The following NDUFV2 variants were observed in gnomAD, a reference collection of about 807,000 sequenced individuals.
NDUFV2 encodes the protein NADH dehydrogenase [ubiquinone] flavoprotein 2, mitochondrial.
NDUFV2 carries 18 observed loss-of-function variants against 31.6 expected under a neutral mutation model. The ratio of observed to expected loss-of-function variants is 0.57; its 90% CI spans 0.39 to 0.84. The LOEUF (loss-of-function observed/expected upper bound fraction) is 0.84. NDUFV2 is among the 40% of genes least tolerant of loss of function. The pLI, the probability that NDUFV2 is intolerant of heterozygous loss-of-function variation, is 0.00. For missense variants in NDUFV2, 314 were observed against 303.6 expected (o/e 1.03, Z -0.26); for synonymous variants, 83 against 99.8 (o/e 0.83, Z 1.01).
intron 7 of NDUFV2, among the ~76,000 whole-genome samples, chr18:9,133,171 G>T (rs978616802): frequency 6.6e-6 from 1 of 152,176 alleles, no homozygotes; most frequent in Non-Finnish European, 1.5e-5. Flanking sequence ...ATTCCCTAGG[G>T]CTCTAAAGAA....
chr18:9,123,282 G>A (rs2077955722), intron 5 of NDUFV2, among the ~76,000 whole-genome samples: 1 of 152,180 alleles, frequency 6.6e-6, no homozygotes, highest in African/African-American at 2.4e-5. Flanking sequence ...GGGTGGTATT[G>A]AAATATATAA....
chr18:9,109,842 C>T (rs535875844), intron 1 of NDUFV2, among the ~76,000 whole-genome samples: 22 of 152,162 alleles, frequency 1.4e-4, no homozygotes, highest in Non-Finnish European at 1.2e-4. Context: ...TTGACTCCAA[C>T]GAAAAGGCAG....
chr18:9,124,262 T>C (rs2077966811), intron 5 of NDUFV2, among the ~76,000 whole-genome samples: 1 of 149,452 alleles, frequency 6.7e-6, no homozygotes, highest in East Asian at 2.0e-4. Flanking sequence ...TCATGACTAC[T>C]GTAAAAAATT....
intron 1 of NDUFV2, among the ~76,000 whole-genome samples, chr18:9,110,764 T>C (rs2077866100): frequency 6.6e-6 from 1 of 152,200 alleles, no homozygotes; most frequent in African/African-American, 2.4e-5. Flanking sequence ...GGGCTTGGCT[T>C]TCCAAAGTTC....
chr18:9,121,635 A>ATAGTAAGTCTTAATGATAATAGGTCACC (rs2077936545), intron 4 of NDUFV2, among the ~76,000 whole-genome samples: 4 of 152,322 alleles, frequency 2.6e-5, no homozygotes, highest in Admixed American at 2.0e-4. Flanking sequence ...AGAATGCCAG[A>ATAGTAAGTCTTAATGATAATAGGTCACC]TAGTAAGTCT....
chr18:9,104,950 C>G, intron 1 of NDUFV2: 1 of 1,553,084 alleles, frequency 6.4e-7, no homozygotes, highest in Non-Finnish European at 8.8e-7. Context: ...ACAGACCTTA[C>G]AGACAATTTG....
intron 5 of NDUFV2, among the ~76,000 whole-genome samples, chr18:9,123,741 C>T (rs1043663645): frequency 1.3e-5 from 2 of 152,124 alleles, no homozygotes; most frequent in African/African-American, 4.8e-5. Flanking sequence ...ATCCTCCTAC[C>T]TTGGCCTCCC....
Position 9,126,908 on chromosome 18 carries a change from G to A in NDUFV2, c.656+1G>A, listed in dbSNP as rs1411081874. Reference sequence around the variant, plus strand: ...GCAAAATCCCAAAACCAGGGCCAAGGTATGCTTTATTTATATATAGGAAGT... The same window carrying A: ...GCAAAATCCCAAAACCAGGGCCAAGATATGCTTTATTTATATATAGGAAGT... On this transcript the variant is annotated splice_donor_variant, in intron 7 of 7. Coordinates refer to ENST00000318388, the MANE Select transcript of NDUFV2 (RefSeq NM_021074.5). LOFTEE classifies it high-confidence loss of function. 6.2e-7 allele frequency: 1 copy of A among 1,612,300 alleles called. No individual in the cohort carries two copies. The highest frequency in any genetic ancestry group is 8.5e-7 in the Non-Finnish European group (1 of 1,178,528).
At chr18:9,129,204 G>A (rs1451935099) in intron 7 of NDUFV2, among the ~76,000 whole-genome samples, 13 of 152,190 alleles carry the variant, frequency 8.5e-5, no homozygotes, top group African/African-American at 2.7e-4. Context: ...GCCTCCCAAA[G>A]TGCTGGGATT....
At chr18:9,114,611 TA>T (rs34688167) in intron 1 of NDUFV2, among the ~76,000 whole-genome samples, 8 of 151,576 alleles carry the variant, frequency 5.3e-5, no homozygotes, top group Non-Finnish European at 8.8e-5. Context: ...AATTGAGGCT[TA>T]AAAAAAAATT....
chr18:9,126,147 T>C lies in NDUFV2; in HGVS notation c.580-684T>C, dbSNP rs568421621. On this transcript the variant is annotated intron_variant, in intron 6 of 7. Coordinates refer to ENST00000318388, the MANE Select transcript of NDUFV2 (RefSeq NM_021074.5). The stretch of plus-strand genomic sequence containing the variant: ...TGTGTGAAGCATTGTTAAGTCTAAA[T>C]ATAGTAGCCTGTAGATGGGTTTGTT... Among the ~76,000 whole-genome samples, 2 of 152,344 alleles carry C rather than the reference T, an allele frequency of 1.3e-5. 1 individual carries two copies. Among genetic ancestry groups the C allele is most frequent in the South Asian group, 4.1e-4 (2 of 4,834 alleles).
intron 5 of NDUFV2, 29 bp from the exon 6 acceptor site, chr18:9,124,845 G>A (rs1045807138): frequency 3.1e-6 from 5 of 1,591,492 alleles, no homozygotes; most frequent in Non-Finnish European, 4.3e-6. Flanking sequence ...ATATAACCTG[G>A]TCCTTAGAGT....
chr18:9,118,537 T>A (rs1598345541), intron 2 of NDUFV2, among the ~76,000 whole-genome samples: 1 of 152,168 alleles, frequency 6.6e-6, no homozygotes, highest in South Asian at 2.1e-4. Flanking sequence ...ATATTTGAGA[T>A]CATTGTCCAG....
intron 7 of NDUFV2, among the ~76,000 whole-genome samples, 153 bp downstream of exon 7, chr18:9,127,060 T>G (rs1011435421): frequency 3.3e-5 from 5 of 152,200 alleles, no homozygotes; most frequent in South Asian, 4.1e-4. Flanking sequence ...AGAGCAAGAA[T>G]AATTTTTTTT....
intron 4 of NDUFV2, among the ~76,000 whole-genome samples, chr18:9,122,256 A>G (rs143164871): frequency 6.6e-6 from 1 of 152,298 alleles, no homozygotes; most frequent in African/African-American, 2.4e-5. Context: ...AGAGGTGAGA[A>G]GTAGGGTAGA....
At chr18:9,128,476 TAA>T (rs2078011372) in intron 7 of NDUFV2, among the ~76,000 whole-genome samples, 4 of 152,242 alleles carry the variant, frequency 2.6e-5, no homozygotes, top group African/African-American at 9.6e-5. Context: ...TGAATTTGCT[TAA>T]AGAGTGTTGG....
At chr18:9,112,225 G>T (rs1310013484) in intron 1 of NDUFV2, among the ~76,000 whole-genome samples, 3 of 151,738 alleles carry the variant, frequency 2.0e-5, no homozygotes, top group African/African-American at 7.3e-5. Flanking sequence ...CACCATATTG[G>T]CCAGGCTGAT....
At chr18:9,104,050 A>T in intron 1 of NDUFV2, 2 of 1,172,350 alleles carry the variant, frequency 1.7e-6, no homozygotes, top group Non-Finnish European at 1.2e-6. Context: ...GTACAGTGTT[A>T]GAGAGATGAA....
intron 1 of NDUFV2, among the ~76,000 whole-genome samples, chr18:9,108,177 T>A (rs768914806): frequency 6.6e-6 from 1 of 152,254 alleles, no homozygotes; most frequent in Non-Finnish European, 1.5e-5. Flanking sequence ...ATACCTGGGC[T>A]CTTCATGCAG....
Sources: allele counts gnomAD v4.1 joint callset (sites outside exome capture counted in the v4.1 genomes callset), GRCh38; gene constraint gnomAD v4.1.1; transcripts MANE v1.5; gene names NCBI Gene and HGNC (gene_info 2026-07-23, HGNC 2026-07-21).